Variants in NXN observed in about 807,000 individuals in gnomAD.
NXN encodes the protein nucleoredoxin 1.
NXN carries 16 observed loss-of-function variants against 48.6 expected under a neutral mutation model. The observed-to-expected ratio is 0.33, with a 90% CI of 0.22 to 0.50. The LOEUF (loss-of-function observed/expected upper bound fraction) is 0.50. Among genes scored for constraint, NXN ranks in the 20% least tolerant of loss-of-function variants. NXN has a pLI of 0.98. For missense variants in NXN, 492 were observed against 605.5 expected, an observed-to-expected ratio of 0.81 and a Z score of 1.97; for synonymous variants, 281 against 269.6, an observed-to-expected ratio of 1.04 and a Z score of -0.41.
rs1911835399 is a variant in NXN at position 809,968 on chromosome 17, GTA to G, written c.821-4723_821-4722del. Among the ~76,000 whole-genome samples, 3 of 109,558 alleles carry G rather than the reference GTA, an allele frequency of 2.7e-5. 1 individual carries two copies. The highest frequency in any genetic ancestry group is 6.1e-5 in the Non-Finnish European group (3 of 49,212). The allele number at this position is 109,558 out of a possible 152,430, so 71.9% of individuals were successfully genotyped here. On this transcript the variant is annotated intron_variant, in intron 5 of 7. Transcript: ENST00000336868. ...CGTTACGAGTCTGTGTGAGTGGCGT[GTA>G]CGTTACGAGTCTGTGAGTGGCGTGT...
At chr17:973,374 G>T (rs939653090) in intron 1 of NXN, among the ~76,000 whole-genome samples, 3 of 152,166 alleles carry the variant, frequency 2.0e-5, no homozygotes, top group Non-Finnish European at 2.9e-5. Context: ...AAGCAAACAG[G>T]GTCAGCGGAA....
At chr17:889,329 T>C (rs2068384247) in intron 1 of NXN, among the ~76,000 whole-genome samples, 1 of 152,178 alleles carries the variant, frequency 6.6e-6, no homozygotes, top group Admixed American at 6.5e-5. Context: ...ACTGAAAAGC[T>C]CTAAGCCCTG....
At chr17:812,835 TGA>T (rs1050959136) in intron 5 of NXN, among the ~76,000 whole-genome samples, 5 of 150,192 alleles carry the variant, frequency 3.3e-5, no homozygotes, top group Non-Finnish European at 5.9e-5. Context: ...TGTGCATGTG[TGA>T]GTGTAGGTGT....
Position 968,134 on chromosome 17 carries a change from A to G in NXN, c.360+11185T>C, listed in dbSNP as rs773439149. Among the ~76,000 whole-genome samples the G allele has an allele frequency of 4.7e-4, 67 of 141,940 alleles. 1 individual carries two copies. Among genetic ancestry groups the G allele is most frequent in the South Asian group, 8.8e-4 (4 of 4,556 alleles). The allele number at this position is 141,940 out of a possible 152,430, so 93.1% of individuals were successfully genotyped here. ...TGAAGGAAATGAGATGACGGCTGGG[A>G]CTATCTTCAAGATCATTGAGGAGGT... On this transcript the variant is annotated intron_variant, in intron 1 of 7. Transcript: ENST00000336868.
chr17:836,165 C>T (rs1313361812), intron 1 of NXN, among the ~76,000 whole-genome samples: 1 of 151,982 alleles, frequency 6.6e-6, no homozygotes, highest in Admixed American at 6.6e-5. Flanking sequence ...CCACAGAGGC[C>T]GCAGGGAAAT....
At chr17:844,367 C>T (rs2067836812) in intron 1 of NXN, among the ~76,000 whole-genome samples, 1 of 145,246 alleles carries the variant, frequency 6.9e-6, no homozygotes, top group South Asian at 2.2e-4. Context: ...TCCTGCCCTC[C>T]TTAGCTGGAA....
At chr17:876,439 G>T (rs564550720) in intron 1 of NXN, among the ~76,000 whole-genome samples, 1 of 152,148 alleles carries the variant, frequency 6.6e-6, no homozygotes, top group Non-Finnish European at 1.5e-5. Flanking sequence ...CTCCCAATCC[G>T]GCTCATGACC....
chr17:956,514 C>T lies in NXN; in HGVS notation c.360+22805G>A, dbSNP rs988938925. 6.6e-5 allele frequency among the ~76,000 whole-genome samples: 10 copies of T among 152,132 alleles called. No individual in the cohort carries two copies. The highest frequency in any genetic ancestry group is 1.2e-4 in the African/African-American group (5 of 41,440). On this transcript the variant is annotated intron_variant, in intron 1 of 7. Transcript: ENST00000336868. This position sits in a 1 kb window ranked among gnomAD's most constrained non-coding sequence, Gnocchi z 4.1. ...CTGCAACCTCCACCTCCCGGGTTCCCGCCATTCTCCTGCCTCAGCCTCCCA... is the reference window on the plus strand; with the variant it reads ...CTGCAACCTCCACCTCCCGGGTTCCTGCCATTCTCCTGCCTCAGCCTCCCA...
At chr17:925,728 C>A (rs2068791841) in intron 1 of NXN, among the ~76,000 whole-genome samples, 1 of 152,188 alleles carries the variant, frequency 6.6e-6, no homozygotes, top group Non-Finnish European at 1.5e-5. Context: ...AATGTCTCAC[C>A]TCTCACTACA....
At chr17:892,391 G>C (rs189497185) in intron 1 of NXN, among the ~76,000 whole-genome samples, 1 of 152,282 alleles carries the variant, frequency 6.6e-6, no homozygotes, top group African/African-American at 2.4e-5. Flanking sequence ...AGGGATTATG[G>C]CTGGAATGCT....
intron 1 of NXN, among the ~76,000 whole-genome samples, chr17:921,553 C>T (rs977771427): frequency 5.9e-5 from 9 of 152,178 alleles, no homozygotes; most frequent in Non-Finnish European, 1.0e-4. Context: ...TGGTTTCACC[C>T]TTGGCTTTCT....
chr17:971,890 G>A (rs897792258), intron 1 of NXN, among the ~76,000 whole-genome samples: 2 of 152,200 alleles, frequency 1.3e-5, no homozygotes, highest in African/African-American at 4.8e-5. Flanking sequence ...CATCCTGGCC[G>A]GGCGCCGCAG....
intron 1 of NXN, among the ~76,000 whole-genome samples, chr17:929,389 G>A (rs1160769514): frequency 1.3e-5 from 2 of 152,304 alleles, no homozygotes; most frequent in Non-Finnish European, 2.9e-5. Context: ...ACTCCAGCTC[G>A]GTCTTCACTT....
intron 1 of NXN, among the ~76,000 whole-genome samples, chr17:885,860 G>C (rs1298085204): frequency 1.4e-5 from 2 of 144,334 alleles, no homozygotes; most frequent in Non-Finnish European, 3.0e-5. Flanking sequence ...TTTTTTTTTT[G>C]TATTTTTTTA....
rs925461363 is a variant in NXN at position 800,212 on chromosome 17, G to A, written c.*737C>T. On this transcript the variant is annotated 3_prime_UTR_variant, in exon 8 of 8. Coordinates refer to ENST00000336868, the MANE Select transcript of NXN (RefSeq NM_022463.5). The stretch of plus-strand genomic sequence containing the variant: ...GGCCTTGGGCACAGAGCTGGGTGGA[G>A]CGAGAGGTCCGTGCTGGTGCAGAGG... The A allele has an allele frequency of 2.6e-5, 4 of 152,418 alleles. No homozygotes were observed. The highest frequency in any genetic ancestry group is 1.9e-4 in the East Asian group (1 of 5,200). 9.4% of individuals were successfully genotyped at this position (152,418 alleles called of 1,614,324 possible). A position where few individuals can be genotyped will look rare whatever the true frequency, so the allele number is the denominator to read the frequency against.
intron 1 of NXN, among the ~76,000 whole-genome samples, chr17:861,053 G>A (rs1311086114): frequency 1.3e-5 from 2 of 152,208 alleles, no homozygotes; most frequent in Non-Finnish European, 2.9e-5. Context: ...GACTGGGGAA[G>A]TAAGGAAGGG....
At chr17:910,786 C>T (rs993634917) in intron 1 of NXN, 4 of 152,146 alleles carry the variant, frequency 2.6e-5, no homozygotes, top group African/African-American at 9.7e-5. Flanking sequence ...TTCAAAATGA[C>T]TTTTCCACAG....
At chr17:948,824 GCGGCCTCCTCCTCTCCCCC>G (rs1567515136) in intron 1 of NXN, among the ~76,000 whole-genome samples, 1 of 48,936 alleles carries the variant, frequency 2.0e-5, no homozygotes. Context: ...TCCTCTCCCC[GCGGCCTCCTCCTCTCCCCC>G]CTGCCTCCTC....
intron 1 of NXN, among the ~76,000 whole-genome samples, chr17:886,575 G>A (rs567107985): frequency 5.2e-4 from 79 of 152,160 alleles, no homozygotes; most frequent in African/African-American, 1.9e-3. Flanking sequence ...TCAGGAGTTC[G>A]AGATCAGCCT....
Sources: gnomAD v4.1 joint callset for allele counts (sites outside exome capture counted in the v4.1 genomes callset) on GRCh38, gnomAD v4.1.1 for gene constraint, Gnocchi (gnomAD v3.1) non-coding constraint, MANE v1.5 for transcripts, NCBI Gene and HGNC (gene_info 2026-07-23, HGNC 2026-07-21) for gene names.